The following GABRG3 variants were observed in gnomAD, a reference collection of about 807,000 sequenced individuals.
GABRG3 encodes the protein gamma-aminobutyric acid receptor subunit gamma-3.
Under a neutral mutation model 48.8 loss-of-function variants are expected in GABRG3, and 25 were observed. The observed-to-expected ratio is 0.51, with a 90% confidence interval of 0.37 to 0.72. The LOEUF is 0.72. GABRG3 is among the 30% of genes least tolerant of loss of function. The probability of loss-of-function intolerance (pLI) is 0.00; values close to 1 mark genes in which losing one functional copy is unlikely to be tolerated. For synonymous variants in GABRG3, 227 were observed against 217.6 expected, an observed-to-expected ratio of 1.04 and a Z score of -0.38; for missense variants, 394 against 577.9, an observed-to-expected ratio of 0.68 and a Z score of 3.26.
chr15:27,493,754 T>C (rs574620344), intron 6 of GABRG3, among the ~76,000 whole-genome samples: 1 of 152,310 alleles, frequency 6.6e-6, no homozygotes, highest in Admixed American at 6.5e-5. Context: ...CTCAACACTA[T>C]GAAAAATGAA....
intron 3 of GABRG3, among the ~76,000 whole-genome samples, chr15:27,077,438 AT>A (rs902867104): frequency 6.7e-6 from 1 of 149,572 alleles, no homozygotes; most frequent in Admixed American, 6.7e-5. Flanking sequence ...TTACTCTCTC[AT>A]TTTTTTTTCT....
chr15:27,480,832 G>A (rs1306393605), intron 6 of GABRG3, 45 bp downstream of exon 6: 2 of 1,607,162 alleles, frequency 1.2e-6, no homozygotes, highest in Non-Finnish European at 1.7e-6. Flanking sequence ...AGCCAGAGAG[G>A]CCTAAGGCCA....
chr15:27,034,208 C>T (rs1292964559), intron 3 of GABRG3, among the ~76,000 whole-genome samples: 2 of 152,194 alleles, frequency 1.3e-5, no homozygotes, highest in African/African-American at 4.8e-5. Context: ...TACAACTGCT[C>T]TGGCTTTGTG....
At chr15:27,166,076 T>C (rs1245448507) in intron 3 of GABRG3, among the ~76,000 whole-genome samples, 2 of 152,106 alleles carry the variant, frequency 1.3e-5, no homozygotes, top group Admixed American at 6.5e-5. Context: ...CTTTAGGCAA[T>C]GCGAAGCTTG....
chr15:27,310,230 G>A (rs1892948716), intron 3 of GABRG3, among the ~76,000 whole-genome samples: 1 of 151,968 alleles, frequency 6.6e-6, no homozygotes, highest in African/African-American at 2.4e-5. Flanking sequence ...TTGGGCAGGG[G>A]GTGATAGAAC....
At chr15:27,445,308 A>G (rs1488326937) in intron 5 of GABRG3, among the ~76,000 whole-genome samples, 1 of 152,190 alleles carries the variant, frequency 6.6e-6, no homozygotes, top group African/African-American at 2.4e-5. Context: ...ATGATTTTAC[A>G]TACCCACCAG....
chr15:27,200,985 A>G (rs916457681), intron 3 of GABRG3, among the ~76,000 whole-genome samples: 1 of 152,150 alleles, frequency 6.6e-6, no homozygotes, highest in Non-Finnish European at 1.5e-5. Flanking sequence ...CATTCTGTGT[A>G]CAGATACTCA....
At chr15:27,083,751 T>C (rs1897029236) in intron 3 of GABRG3, among the ~76,000 whole-genome samples, 1 of 152,214 alleles carries the variant, frequency 6.6e-6, no homozygotes, top group Admixed American at 6.5e-5. Flanking sequence ...CCAAACAGTG[T>C]CACAAAGCCC....
At chr15:27,435,212 T>C (rs1888574524) in intron 5 of GABRG3, among the ~76,000 whole-genome samples, 1 of 149,234 alleles carries the variant, frequency 6.7e-6, no homozygotes, top group Non-Finnish European at 1.5e-5. Flanking sequence ...TATATAATTA[T>C]ATAAATTATA....
chr15:27,092,160 A>C (rs1473680407), intron 3 of GABRG3, among the ~76,000 whole-genome samples: 1 of 152,060 alleles, frequency 6.6e-6, no homozygotes. Flanking sequence ...GCACCCTCTG[A>C]TGTCCCATTC....
chr15:27,019,310 T>TC (rs1371947545), intron 2 of GABRG3, among the ~76,000 whole-genome samples: 1 of 151,884 alleles, frequency 6.6e-6, no homozygotes. Context: ...GACCTCGTGA[T>TC]CCCCCCGCCT....
rs117082824 is a variant in GABRG3, at chr15:27,319,898, G to A, written c.271-6911G>A. Among the ~76,000 whole-genome samples the A allele has an allele frequency of 0.017, 2,640 of 152,250 alleles. 36 individuals are homozygous for A. Among genetic ancestry groups the A allele is most frequent in the Middle Eastern group, 0.044 (13 of 294 alleles). ...GAGAATATAGCATTCAATGGGATGCGAATCTGAAAGCAGTCAGTGGGTTGG... is the reference window on the plus strand; with the variant it reads ...GAGAATATAGCATTCAATGGGATGCAAATCTGAAAGCAGTCAGTGGGTTGG... On this transcript the variant is annotated intron_variant, in intron 3 of 9. Coordinates refer to ENST00000615808, the MANE Select transcript of GABRG3 (RefSeq NM_033223.5). The surrounding 1 kb of genome is among the most constrained non-coding windows in gnomAD (Gnocchi z 4.4).
chr15:27,388,096 A>AGGAAAGG (rs1896018358), intron 5 of GABRG3, among the ~76,000 whole-genome samples: 2 of 40,030 alleles, frequency 5.0e-5, no homozygotes, highest in Non-Finnish European at 9.4e-5. Context: ...GGAGGGAGGA[A>AGGAAAGG]AGGGAGGGAG....
chr15:27,040,273 G>T (rs535098744), intron 3 of GABRG3, among the ~76,000 whole-genome samples: 1 of 152,348 alleles, frequency 6.6e-6, no homozygotes, highest in African/African-American at 2.4e-5. Flanking sequence ...CCCTTGAAGA[G>T]CCCTTGAGAT....
At chr15:26,996,621 C>CTTATTTATTTATTTATTTAT (rs147458553) in intron 2 of GABRG3, among the ~76,000 whole-genome samples, 5 of 149,812 alleles carry the variant, frequency 3.3e-5, no homozygotes, top group African/African-American at 9.8e-5. Context: ...TATATACTGG[C>CTTATTTATTTATTTATTTAT]TTATTTATTT....
intron 6 of GABRG3, among the ~76,000 whole-genome samples, chr15:27,491,735 TAAA>T (rs943808945): frequency 5.3e-5 from 8 of 152,048 alleles, no homozygotes; most frequent in Non-Finnish European, 8.8e-5. Flanking sequence ...TAATTACCAG[TAAA>T]AAAGTGTGAT....
At chr15:27,097,961 G>A (rs1252962509) in intron 3 of GABRG3, among the ~76,000 whole-genome samples, 5 of 144,832 alleles carry the variant, frequency 3.5e-5, no homozygotes, top group Non-Finnish European at 7.5e-5. Context: ...TAAATCAGAT[G>A]TCTTATAAGA....
At chr15:27,039,499 T>C (rs1487548087) in intron 3 of GABRG3, among the ~76,000 whole-genome samples, 1 of 152,156 alleles carries the variant, frequency 6.6e-6, no homozygotes, top group South Asian at 2.1e-4. Context: ...AGCAGTTGTG[T>C]GTAAGGAATC....
At chr15:27,117,509 A>G (rs752571806) in intron 3 of GABRG3, among the ~76,000 whole-genome samples, 1 of 152,208 alleles carries the variant, frequency 6.6e-6, no homozygotes, top group African/African-American at 2.4e-5. Context: ...AGGGACTCCC[A>G]TGAGGAGCAC....
Sources: allele counts gnomAD v4.1 joint callset (sites outside exome capture counted in the v4.1 genomes callset), GRCh38; gene constraint gnomAD v4.1.1; non-coding constraint Gnocchi (gnomAD v3.1); transcripts MANE v1.5; gene names NCBI Gene and HGNC (gene_info 2026-07-23, HGNC 2026-07-21).